Variants in PALMD observed in about 807,000 individuals in gnomAD.
The protein encoded by PALMD is paralemmin-like protein.
In PALMD, 42 loss-of-function variants were observed where a neutral mutation model predicts 56.2. The ratio of observed to expected loss-of-function variants is 0.75; its 90% CI spans 0.58 to 0.97. The LOEUF is 0.97. Among genes scored for constraint, PALMD ranks in the 50% least tolerant of loss-of-function variants. PALMD has a pLI of 0.00. For missense variants in PALMD, 660 were observed against 643.8 expected (o/e 1.03, Z -0.27); for synonymous variants, 242 against 222.9 (o/e 1.09, Z -0.76).
intron 3 of PALMD, chr1:99,669,049 A>T (rs1016070891): frequency 6.6e-6 from 1 of 152,224 alleles, no homozygotes; most frequent in Non-Finnish European, 1.5e-5. Context: ...ACACAAAAGT[A>T]TTTGGTATCT....
chr1:99,651,032 GA>G (rs1652571173), intron 1 of PALMD, among the ~76,000 whole-genome samples: 1 of 152,164 alleles, frequency 6.6e-6, no homozygotes, highest in Non-Finnish European at 1.5e-5. Flanking sequence ...ATAGTTAGAG[GA>G]ACAACTTCTA....
chr1:99,664,782 G>T (rs919064947), intron 2 of PALMD, among the ~76,000 whole-genome samples: 1 of 152,096 alleles, frequency 6.6e-6, no homozygotes, highest in African/African-American at 2.4e-5. Context: ...TAGTCTTCAT[G>T]ACTATCCTCT....
chr1:99,664,126 C>A (rs556347114), intron 2 of PALMD, among the ~76,000 whole-genome samples: 14 of 152,244 alleles, frequency 9.2e-5, no homozygotes, highest in Non-Finnish European at 1.9e-4. Context: ...AAAGTGCTAT[C>A]CACTTTCCCA....
intron 4 of PALMD, 59 bp from the exon 5 acceptor site, chr1:99,686,871 C>T (rs1653511988): frequency 1.4e-6 from 2 of 1,380,228 alleles, no homozygotes; most frequent in African/African-American, 1.4e-5. Flanking sequence ...AAAGCATATC[C>T]ACATTTAGAT....
intron 7 of PALMD, 45 bp from the exon 8 acceptor site, chr1:99,693,974 T>G: frequency 7.1e-7 from 1 of 1,407,280 alleles, no homozygotes; most frequent in Non-Finnish European, 9.9e-7. Flanking sequence ...GAGTAAAAAT[T>G]GAGGATTTTT....
chr1:99,657,862 T>C (rs1652760927), intron 1 of PALMD, among the ~76,000 whole-genome samples: 1 of 152,204 alleles, frequency 6.6e-6, no homozygotes, highest in Admixed American at 6.6e-5. Flanking sequence ...CCAGCCTCAC[T>C]GTAACTACCC....
chr1:99,659,367 G>A (rs772693973), intron 1 of PALMD, among the ~76,000 whole-genome samples: 10 of 152,192 alleles, frequency 6.6e-5, no homozygotes, highest in Non-Finnish European at 1.3e-4. Context: ...AAAAATCTAG[G>A]TAAATGTCCA....
intron 3 of PALMD, chr1:99,668,778 G>A (rs2100862936): frequency 6.6e-6 from 1 of 152,138 alleles, no homozygotes; most frequent in Admixed American, 6.5e-5. Flanking sequence ...ATAAGGTGAT[G>A]GACAAGAAAA....
chr1:99,671,037 A>G (rs1653074287), intron 3 of PALMD, among the ~76,000 whole-genome samples: 5 of 152,196 alleles, frequency 3.3e-5, no homozygotes, highest in Admixed American at 3.3e-4. Flanking sequence ...GTAGCAATGG[A>G]GCCAACTGAT....
chr1:99,681,195 G>C (rs1014613129), intron 3 of PALMD, among the ~76,000 whole-genome samples: 1 of 151,450 alleles, frequency 6.6e-6, no homozygotes, highest in African/African-American at 2.4e-5. Context: ...GGACTAACCC[G>C]CTGAGCAGAA....
At chr1:99,681,354 T>A (rs769919183) in intron 3 of PALMD, among the ~76,000 whole-genome samples, 1 of 152,142 alleles carries the variant, frequency 6.6e-6, no homozygotes, top group Non-Finnish European at 1.5e-5. Context: ...CATTTATACT[T>A]GCCAAATTTT....
chr1:99,682,886 G>A (rs560371585), intron 3 of PALMD, among the ~76,000 whole-genome samples: 4 of 151,616 alleles, frequency 2.6e-5, no homozygotes, highest in African/African-American at 9.7e-5. Flanking sequence ...CACTCCTGTA[G>A]TCCCAGCTAC....
intron 3 of PALMD, among the ~76,000 whole-genome samples, chr1:99,678,694 C>T (rs1292774446): frequency 6.6e-6 from 1 of 152,120 alleles, no homozygotes; most frequent in African/African-American, 2.4e-5. Flanking sequence ...CAGCTGTTTC[C>T]TGTTCTCCCA....
rs3766590 is a variant in PALMD, at chr1:99,692,991, A to G, written c.1613-1028A>G. ...CTTCATTGAAATTAAAATATTTCAT[A>G]TAAGTGGAGTGACAATTAAAATAAT... On this transcript the variant is annotated intron_variant, in intron 7 of 7. Transcript: ENST00000263174. Among the ~76,000 whole-genome samples the G allele has an allele frequency of 1.5e-4, 23 of 152,366 alleles. No individual in the cohort carries two copies. In the East Asian group the frequency reaches 4.4e-3, roughly 29 times the overall value.
chr1:99,687,885 A>G (rs974874214), intron 6 of PALMD, among the ~76,000 whole-genome samples: 4 of 111,950 alleles, frequency 3.6e-5, no homozygotes, highest in Non-Finnish European at 8.9e-5. Flanking sequence ...TTGGGTAGTC[A>G]AGGAAGGCCA....
At chr1:99,680,818 A>G (rs1488413700) in intron 3 of PALMD, among the ~76,000 whole-genome samples, 1 of 151,996 alleles carries the variant, frequency 6.6e-6, no homozygotes, top group Non-Finnish European at 1.5e-5. Context: ...ATGTACATGC[A>G]TACATGTATG....
chr1:99,674,504 A>G (rs1653160292), intron 3 of PALMD, among the ~76,000 whole-genome samples: 1 of 151,850 alleles, frequency 6.6e-6, no homozygotes, highest in Non-Finnish European at 1.5e-5. Flanking sequence ...TTCCCACCAG[A>G]CCTCACACTG....
chr1:99,689,917 C>A, intron 7 of PALMD, 45 bp downstream of exon 7: 1 of 1,528,314 alleles, frequency 6.5e-7, no homozygotes, highest in Middle Eastern at 1.7e-4. Context: ...AGTCATGTGA[C>A]CAGCTTCTCT....
At chr1:99,690,494 A>G (rs558706786) in intron 7 of PALMD, among the ~76,000 whole-genome samples, 2 of 152,184 alleles carry the variant, frequency 1.3e-5, no homozygotes, top group South Asian at 4.1e-4. Context: ...TCTATTTTCT[A>G]TATATTTGCA....
Sources: allele counts gnomAD v4.1 joint callset (sites outside exome capture counted in the v4.1 genomes callset), GRCh38; gene constraint gnomAD v4.1.1; transcripts MANE v1.5; gene names NCBI Gene and HGNC (gene_info 2026-07-23, HGNC 2026-07-21).